MYO3B: variants seen among roughly 807,000 people sequenced by gnomAD.
The protein encoded by MYO3B is myosin IIIB.
Under a neutral mutation model 174.6 loss-of-function variants are expected in MYO3B, and 156 were observed. The ratio of observed to expected loss-of-function variants is 0.89; its 90% CI spans 0.78 to 1.02. The LOEUF (loss-of-function observed/expected upper bound fraction) is 1.02. Among genes scored for constraint, MYO3B ranks in the 50% least tolerant of loss-of-function variants. The pLI is 0.00. For missense variants in MYO3B, 1,632 were observed against 1,639.4 expected, an observed-to-expected ratio of 1.00 and a Z score of 0.08; for synonymous variants, 563 against 569.1, an observed-to-expected ratio of 0.99 and a Z score of 0.15.
chr2:170,600,172 T>G (rs935321087), intron 32 of MYO3B, among the ~76,000 whole-genome samples: 1 of 152,008 alleles, frequency 6.6e-6, no homozygotes, highest in Non-Finnish European at 1.5e-5. Context: ...TATTAGTATC[T>G]TCTAGGACTC....
intron 7 of MYO3B, among the ~76,000 whole-genome samples, chr2:170,332,818 T>G (rs1356633348): frequency 6.6e-6 from 1 of 152,188 alleles, no homozygotes; most frequent in Non-Finnish European, 1.5e-5. Context: ...TATTTCCTGC[T>G]GAGAAAGAGA....
chr2:170,582,785 A>C (rs1693235741), intron 32 of MYO3B, among the ~76,000 whole-genome samples: 1 of 152,146 alleles, frequency 6.6e-6, no homozygotes, highest in East Asian at 1.9e-4. Flanking sequence ...TTAAGAAAAA[A>C]ATCGTCATTG....
At chr2:170,597,009 G>A (rs1455587670) in intron 32 of MYO3B, among the ~76,000 whole-genome samples, 1 of 152,084 alleles carries the variant, frequency 6.6e-6, no homozygotes, top group African/African-American at 2.4e-5. Flanking sequence ...CAGGGATGTA[G>A]TGCCAGAATT....
intron 32 of MYO3B, among the ~76,000 whole-genome samples, chr2:170,581,207 A>T (rs1201127858): frequency 6.6e-6 from 1 of 152,140 alleles, no homozygotes; most frequent in Admixed American, 6.5e-5. Context: ...AAAAAAATAA[A>T]TTTCGGAGTC....
chr2:170,630,627 AC>A (rs1292976670), intron 32 of MYO3B, among the ~76,000 whole-genome samples: 1 of 152,208 alleles, frequency 6.6e-6, no homozygotes, highest in Non-Finnish European at 1.5e-5. Flanking sequence ...GTGTAGCCTA[AC>A]TAGGAGACAC....
At chr2:170,478,384 C>T (rs530043563) in intron 25 of MYO3B, among the ~76,000 whole-genome samples, 1 of 152,138 alleles carries the variant, frequency 6.6e-6, no homozygotes, top group African/African-American at 2.4e-5. Context: ...TTTCGAGTTC[C>T]TTACAATCCA....
At chr2:170,284,503 CA>C (rs1022295469) in intron 7 of MYO3B, among the ~76,000 whole-genome samples, 1 of 151,934 alleles carries the variant, frequency 6.6e-6, no homozygotes, top group African/African-American at 2.4e-5. Flanking sequence ...GAAATTTTTT[CA>C]GGAGTTAAGA....
chr2:170,405,566 G>A lies in MYO3B; in HGVS notation c.2453G>A (p.Arg818Gln), dbSNP rs369549992. The A allele has an allele frequency of 1.7e-5, 28 of 1,613,966 alleles. No homozygotes were observed. The highest frequency in any genetic ancestry group is 1.9e-5 in the Non-Finnish European group (23 of 1,179,980). ...TLVDKFEDNL[R>Q]CKYFWRPKGV... ...ACAGATAAATTTGAAGATAATCTAC[G>A]ATGCAAATACTTCTGGAGGCCCAAA... Residue 818 changes from arginine (R) to glutamine (Q), a missense_variant, in exon 21 of 35, where the codon CGA (arginine) becomes CAA (glutamine). Coordinates refer to ENST00000408978, the MANE Select transcript of MYO3B (RefSeq NM_138995.5).
intron 32 of MYO3B, among the ~76,000 whole-genome samples, chr2:170,559,001 T>C (rs1691534270): frequency 6.6e-6 from 1 of 152,268 alleles, no homozygotes; most frequent in South Asian, 2.1e-4. Context: ...GGAGTTATTC[T>C]TGTTACTCAT....
chr2:170,267,825 G>A (rs540881990), intron 7 of MYO3B, among the ~76,000 whole-genome samples: 211 of 152,306 alleles, frequency 1.4e-3, no homozygotes, highest in Admixed American at 3.2e-3. Flanking sequence ...TAAGATATTA[G>A]TGTTCAGAAA....
chr2:170,360,713 G>C (rs760991644), intron 8 of MYO3B, among the ~76,000 whole-genome samples: 4 of 152,198 alleles, frequency 2.6e-5, no homozygotes, highest in African/African-American at 4.8e-5. Flanking sequence ...GAGCCTCTCC[G>C]TGGTGAATGG....
intron 8 of MYO3B, among the ~76,000 whole-genome samples, chr2:170,338,375 T>C (rs2093958446): frequency 6.6e-6 from 1 of 152,106 alleles, no homozygotes; most frequent in African/African-American, 2.4e-5. Flanking sequence ...GTTTAATGAG[T>C]TGTCTTTACG....
At chr2:170,405,430 C>G in intron 20 of MYO3B, 115 bp from the exon 21 acceptor site, 1 of 817,232 alleles carries the variant, frequency 1.2e-6, no homozygotes. Context: ...TTGTTAATAT[C>G]AAGGCCTTAT....
intron 24 of MYO3B, 29 bp downstream of exon 24, chr2:170,463,474 C>T (rs372969377): frequency 1.9e-5 from 31 of 1,602,042 alleles, no homozygotes; most frequent in Non-Finnish European, 2.4e-5. Context: ...CTCTATTCTG[C>T]CTGCTTCCAA....
intron 25 of MYO3B, among the ~76,000 whole-genome samples, chr2:170,482,263 T>C (rs1260434820): frequency 6.6e-6 from 1 of 152,042 alleles, no homozygotes; most frequent in African/African-American, 2.4e-5. Context: ...CAAGTGATTC[T>C]CCTGCCTCAG....
chr2:170,407,933 C>G (rs1048493573), intron 22 of MYO3B, 89 bp downstream of exon 22: 6 of 1,471,686 alleles, frequency 4.1e-6, no homozygotes, highest in Non-Finnish European at 5.6e-6. Flanking sequence ...ACTGCCAGGG[C>G]TGCACCGCTA....
chr2:170,428,975 G>A (rs2094687036), intron 22 of MYO3B, among the ~76,000 whole-genome samples: 3 of 152,306 alleles, frequency 2.0e-5, no homozygotes, highest in South Asian at 4.1e-4. Context: ...ACTCAAAAAA[G>A]CAGTTATAGT....
At chr2:170,646,940 G>T in intron 32 of MYO3B, 2 of 1,349,656 alleles carry the variant, frequency 1.5e-6, no homozygotes, top group Non-Finnish European at 9.9e-7. Flanking sequence ...ACTTTTATGG[G>T]TATATATCTT....
intron 7 of MYO3B, among the ~76,000 whole-genome samples, chr2:170,257,705 T>C (rs1004619226): frequency 1.3e-5 from 2 of 151,980 alleles, no homozygotes; most frequent in South Asian, 2.1e-4. Flanking sequence ...ACCCCAGAGC[T>C]AGCAGAAGAT....
Sources: allele counts gnomAD v4.1 joint callset (sites outside exome capture counted in the v4.1 genomes callset), GRCh38; gene constraint gnomAD v4.1.1; transcripts MANE v1.5; gene names NCBI Gene and HGNC (gene_info 2026-07-23, HGNC 2026-07-21).